ROBO2: variants seen among roughly 807,000 people sequenced by gnomAD.
The protein encoded by ROBO2 is roundabout guidance receptor 2, also known as roundabout homolog 2.
In ROBO2, 53 loss-of-function variants were observed where a neutral mutation model predicts 160.8. The observed-to-expected ratio is 0.33, with a 90% CI of 0.26 to 0.41. ROBO2 has a LOEUF of 0.41. ROBO2 is among the 10% of genes least tolerant of loss of function. The pLI is 1.00. For synonymous variants in ROBO2, 664 were observed against 611.7 expected (o/e 1.09, Z -1.26); for missense variants, 1,577 against 1,722.4 (o/e 0.92, Z 1.49).
chr3:76,018,627 G>A lies in ROBO2; in HGVS notation c.109+81025G>A, dbSNP rs1024704802. On this transcript the variant is annotated intron_variant, in intron 2 of 26. Transcript: ENST00000487694. The stretch of plus-strand genomic sequence containing the variant: ...TTTTCAAAAAAAATTGTTTTTTTCT[G>A]ACTTCAAACTTAATTGTGTTGTGCT... Among the ~76,000 whole-genome samples, 37 of 151,154 alleles carry A rather than the reference G, an allele frequency of 2.4e-4. 1 individual carries two copies. Among genetic ancestry groups the A allele is most frequent in the Non-Finnish European group, 1.5e-5 (1 of 67,780 alleles).
At chr3:77,200,369 A>C (rs1043460546) in intron 2 of ROBO2, among the ~76,000 whole-genome samples, 2 of 141,618 alleles carry the variant, frequency 1.4e-5, no homozygotes, top group Admixed American at 1.5e-4. Context: ...CATTTGAAAG[A>C]TTCCAAATCT....
intron 2 of ROBO2, among the ~76,000 whole-genome samples, chr3:76,535,992 G>A (rs2082476035): frequency 6.6e-6 from 1 of 152,162 alleles, no homozygotes. Context: ...AGAAGTGGCT[G>A]CAATATTAGT....
chr3:75,979,892 G>A (rs933769837), intron 2 of ROBO2, among the ~76,000 whole-genome samples: 4 of 151,502 alleles, frequency 2.6e-5, no homozygotes, highest in Non-Finnish European at 4.4e-5. Flanking sequence ...AAGTTGCTTA[G>A]TTTATTTTCT....
chr3:76,636,160 C>T (rs2090320773), intron 2 of ROBO2, among the ~76,000 whole-genome samples: 1 of 152,112 alleles, frequency 6.6e-6, no homozygotes, highest in Admixed American at 6.5e-5. Context: ...TCATTCTCTC[C>T]TACTAAACGT....
At chr3:76,415,180 A>C (rs1228490471) in intron 2 of ROBO2, among the ~76,000 whole-genome samples, 4 of 152,210 alleles carry the variant, frequency 2.6e-5, no homozygotes, top group Admixed American at 1.3e-4. Context: ...CCAGAAGTAC[A>C]TCGAAGGCTC....
intron 2 of ROBO2, among the ~76,000 whole-genome samples, chr3:76,957,326 A>G (rs1407725012): frequency 2.0e-5 from 3 of 152,098 alleles, no homozygotes; most frequent in Admixed American, 6.6e-5. Flanking sequence ...GTTATGCCAC[A>G]GTTCTGTAAA....
chr3:76,952,430 C>T (rs1187650910), intron 2 of ROBO2, among the ~76,000 whole-genome samples: 1 of 151,894 alleles, frequency 6.6e-6, no homozygotes, highest in African/African-American at 2.4e-5. Context: ...TTACAGGCAT[C>T]TGCCACCATG....
chr3:76,944,485 C>T (rs1033600330), intron 2 of ROBO2, among the ~76,000 whole-genome samples: 1 of 152,010 alleles, frequency 6.6e-6, no homozygotes, highest in Non-Finnish European at 1.5e-5. Context: ...TGAGTTAAAT[C>T]CTGGAAAATT....
chr3:76,973,100 C>T (rs1035194338), intron 2 of ROBO2, among the ~76,000 whole-genome samples: 31 of 152,286 alleles, frequency 2.0e-4, no homozygotes, highest in African/African-American at 6.5e-4. Context: ...AAGGGGCCTA[C>T]GTAAACAGAG....
chr3:77,356,145 T>C (rs940226847), intron 2 of ROBO2, among the ~76,000 whole-genome samples: 5 of 152,188 alleles, frequency 3.3e-5, no homozygotes, highest in African/African-American at 9.7e-5. Context: ...AATAAAATAT[T>C]ATGCAACCAT....
At chr3:76,508,593 TTAATC>T (rs1420711230) in intron 2 of ROBO2, among the ~76,000 whole-genome samples, 1 of 152,154 alleles carries the variant, frequency 6.6e-6, no homozygotes, top group East Asian at 1.9e-4. Flanking sequence ...AAAATAATCA[TTAATC>T]TATTTATTTT....
intron 2 of ROBO2, among the ~76,000 whole-genome samples, chr3:77,124,026 T>A (rs2075078734): frequency 7.1e-6 from 1 of 140,248 alleles, no homozygotes; most frequent in Non-Finnish European, 1.6e-5. Flanking sequence ...CAATGGTGTG[T>A]AAAACATACG....
chr3:76,566,323 G>A (rs963294204), intron 2 of ROBO2, among the ~76,000 whole-genome samples: 9 of 152,192 alleles, frequency 5.9e-5, no homozygotes, highest in Non-Finnish European at 1.2e-4. Flanking sequence ...GCTGTGAAGA[G>A]AGCACATGTA....
intron 2 of ROBO2, among the ~76,000 whole-genome samples, chr3:76,671,286 G>C (rs1293480767): frequency 6.6e-6 from 1 of 152,060 alleles, no homozygotes; most frequent in East Asian, 1.9e-4. Context: ...ACGCCATGCA[G>C]GACATCTAAA....
rs530656351 is a variant in ROBO2, at chr3:76,042,001, C to T, written c.109+104399C>T. Among the ~76,000 whole-genome samples, 22 of 136,590 alleles carry T rather than the reference C, an allele frequency of 1.6e-4. 1 individual carries two copies. The highest frequency in any genetic ancestry group is 5.7e-4 in the African/African-American group (20 of 35,348). The allele number at this position is 136,590 out of a possible 152,430, so 89.6% of individuals were successfully genotyped here. A position where few individuals can be genotyped will look rare whatever the true frequency, so the allele number is the denominator to read the frequency against. ...CAGAGAGTGAGAGAGAGAGGGAGAG[C>T]GAGAGCAAGAGAGAGAGAGAGAGGT... On this transcript the variant is annotated intron_variant, in intron 2 of 26. Coordinates refer to the ROBO2 transcript ENST00000487694.
At chr3:76,463,494 G>T (rs189886346) in intron 2 of ROBO2, among the ~76,000 whole-genome samples, 37 of 152,092 alleles carry the variant, frequency 2.4e-4, no homozygotes, top group African/African-American at 8.9e-4. Flanking sequence ...TACTCTACTG[G>T]CAGTTCTGGT....
At chr3:77,540,686 C>A (rs986597799) in intron 6 of ROBO2, among the ~76,000 whole-genome samples, 8 of 152,150 alleles carry the variant, frequency 5.3e-5, no homozygotes, top group Admixed American at 2.6e-4. Context: ...CACACATTTA[C>A]CTATGTAACA....
intron 1 of ROBO2, among the ~76,000 whole-genome samples, chr3:75,936,756 G>T (rs1947797370): frequency 6.6e-6 from 1 of 151,744 alleles, no homozygotes; most frequent in East Asian, 1.9e-4. Context: ...ACCTTGCTTT[G>T]GTGGACATTT....
At chr3:76,600,256 G>C (rs4241413) in intron 2 of ROBO2, among the ~76,000 whole-genome samples, 2 of 152,034 alleles carry the variant, frequency 1.3e-5, no homozygotes, top group Non-Finnish European at 2.9e-5. Context: ...TCAATCTTCT[G>C]CATATGGCTA....
Sources: gnomAD v4.1 joint callset for allele counts (sites outside exome capture counted in the v4.1 genomes callset) on GRCh38, gnomAD v4.1.1 for gene constraint, MANE v1.5 for transcripts, NCBI Gene and HGNC (gene_info 2026-07-23, HGNC 2026-07-21) for gene names.